DSCAM: variants seen among roughly 807,000 people sequenced by gnomAD.
DSCAM encodes the protein DS cell adhesion molecule.
In DSCAM, 47 loss-of-function variants were observed where a neutral mutation model predicts 217.7. The observed-to-expected ratio is 0.22, with a 90% CI of 0.17 to 0.28. The LOEUF is 0.28. Among genes scored for constraint, DSCAM ranks in the 10% least tolerant of loss-of-function variants. The probability of loss-of-function intolerance (pLI) is 1.00; values close to 1 mark genes in which losing one functional copy is unlikely to be tolerated. For missense variants in DSCAM, 2,080 were observed against 2,618.3 expected (o/e 0.79, Z 4.49); for synonymous variants, 1,056 against 1,015.3 (o/e 1.04, Z -0.76).
Position 40,085,650 on chromosome 21 carries a change from T to C in DSCAM, c.4084A>G (p.Asn1362Asp). 6.3e-7 allele frequency: 1 copy of C among 1,588,336 alleles called. No homozygotes were observed. Among genetic ancestry groups the C allele is most frequent in the African/African-American group, 1.3e-5 (1 of 74,794 alleles). Residue 1362 changes from asparagine (N) to aspartate (D), a missense_variant, in exon 23 of 33, where the codon AAT (asparagine) becomes GAT (aspartate). Asn to Asp is a conservative substitution (Grantham distance 23). Transcript: ENST00000400454. ...ATTTCATCAGATCCCCAGTTGTTAT[T>C]GGCAATGCAGCTGTAATAGCCGGAG... ...EDSGYYSCIA[N>D]NNWGSDEIIL... is the part of the protein sequence containing the mutation.
intron 3 of DSCAM, among the ~76,000 whole-genome samples, chr21:40,653,846 C>A (rs541149236): frequency 1.6e-4 from 24 of 152,254 alleles, no homozygotes; most frequent in Non-Finnish European, 3.4e-4. Context: ...CCTGTAATCC[C>A]AGCACTTTGG....
intron 9 of DSCAM, among the ~76,000 whole-genome samples, chr21:40,304,573 G>C (rs1376729725): frequency 6.6e-6 from 1 of 152,234 alleles, no homozygotes; most frequent in Non-Finnish European, 1.5e-5. Flanking sequence ...GCTTTCAAAT[G>C]CCTTCCTCAC....
chr21:40,042,763 C>T, intron 31 of DSCAM, 90 bp from the exon 32 acceptor site: 1 of 1,299,386 alleles, frequency 7.7e-7, no homozygotes, highest in Non-Finnish European at 1.0e-6. Flanking sequence ...GGGCTGTTTT[C>T]TTCCAGATCA....
chr21:40,210,009 A>G (rs2091166433), intron 11 of DSCAM, among the ~76,000 whole-genome samples: 1 of 152,038 alleles, frequency 6.6e-6, no homozygotes, highest in Non-Finnish European at 1.5e-5. Context: ...GCTGCAACCT[A>G]TGTTTCCAGT....
chr21:40,335,256 T>G (rs951842461), intron 8 of DSCAM, among the ~76,000 whole-genome samples: 1 of 152,140 alleles, frequency 6.6e-6, no homozygotes, highest in Non-Finnish European at 1.5e-5. Context: ...CATAAAATAA[T>G]ATTTTCCTTC....
chr21:40,695,240 G>A (rs1445926909), intron 2 of DSCAM, among the ~76,000 whole-genome samples: 4 of 152,082 alleles, frequency 2.6e-5, no homozygotes, highest in Admixed American at 2.6e-4. Flanking sequence ...GGGAGACACG[G>A]GAAATGCCTT....
chr21:40,167,389 G>C lies in DSCAM; in HGVS notation c.2948-101C>G, dbSNP rs543692243. The C allele has an allele frequency of 1.9e-5, 19 of 986,546 alleles. No homozygotes were observed. In the Admixed American group the frequency reaches 3.1e-4, roughly 16 times the overall value. The allele number at this position is 986,546 out of a possible 1,614,324, so 61.1% of individuals were successfully genotyped here. On this transcript the variant is annotated intron_variant, in intron 15 of 32. Coordinates refer to ENST00000400454, the MANE Select transcript of DSCAM (RefSeq NM_001389.5). ...GTCCCCGAGGACAACCCATCCCTAT[G>C]TTTGGCACAGAGAAAGAAGTTTTTA... is the stretch of plus-strand genomic sequence containing the variant.
chr21:40,789,313 T>C (rs1029713318), intron 1 of DSCAM, among the ~76,000 whole-genome samples: 2 of 151,838 alleles, frequency 1.3e-5, no homozygotes, highest in Non-Finnish European at 2.9e-5. Flanking sequence ...TAAATTTTAA[T>C]CTTTTGGCTC....
chr21:40,683,206 A>G (rs2090433992), intron 3 of DSCAM, among the ~76,000 whole-genome samples: 1 of 152,220 alleles, frequency 6.6e-6, no homozygotes, highest in African/African-American at 2.4e-5. Flanking sequence ...ACAGGAACCA[A>G]CAGAGGAAGT....
intron 3 of DSCAM, among the ~76,000 whole-genome samples, chr21:40,514,344 A>T (rs1172345095): frequency 1.3e-5 from 2 of 152,316 alleles, no homozygotes; most frequent in South Asian, 4.1e-4. Context: ...GAACAAGGCC[A>T]TCTTATTAAT....
At position 40,369,088 on chromosome 21, in the gene DSCAM, T is replaced by G. The variant is rs2074865649; in HGVS notation, c.655+11A>C. On this transcript the variant is annotated intron_variant, in intron 4 of 32. Coordinates refer to ENST00000400454, the MANE Select transcript of DSCAM (RefSeq NM_001389.5). ...GCAGACATAGCAGACAGAGTCTTGA[T>G]AAGTTTTTACCTGATACAAAAAGTC... is the stretch of plus-strand genomic sequence containing the variant. 1 of 1,596,034 alleles carries G rather than the reference T, an allele frequency of 6.3e-7. No homozygotes were observed. The highest frequency in any genetic ancestry group is 8.5e-7 in the Non-Finnish European group (1 of 1,171,304).
intron 1 of DSCAM, among the ~76,000 whole-genome samples, chr21:40,761,192 A>G (rs2091331069): frequency 1.3e-5 from 2 of 152,170 alleles, no homozygotes. Flanking sequence ...GCTCATCACG[A>G]AGATGCAGTT....
At chr21:40,462,525 C>T (rs1331806542) in intron 3 of DSCAM, among the ~76,000 whole-genome samples, 1 of 152,090 alleles carries the variant, frequency 6.6e-6, no homozygotes, top group Non-Finnish European at 1.5e-5. Flanking sequence ...AAAAAATTTT[C>T]ACATCTTTGT....
chr21:40,371,344 C>T (rs751017719), intron 3 of DSCAM, among the ~76,000 whole-genome samples: 11 of 151,452 alleles, frequency 7.3e-5, no homozygotes, highest in Non-Finnish European at 1.6e-4. Context: ...ATTTCTCTTT[C>T]AATATATTTT....
intron 3 of DSCAM, among the ~76,000 whole-genome samples, chr21:40,589,540 C>T (rs528610444): frequency 1.3e-5 from 2 of 152,252 alleles, no homozygotes; most frequent in East Asian, 3.9e-4. Flanking sequence ...CACACCACTG[C>T]ACTCCAGCCT....
At chr21:40,267,806 G>C (rs957591799) in intron 11 of DSCAM, among the ~76,000 whole-genome samples, 1 of 152,110 alleles carries the variant, frequency 6.6e-6, no homozygotes, top group Non-Finnish European at 1.5e-5. Context: ...TGAGGCAGGA[G>C]AATCACTTGA....
Position 40,042,441 on chromosome 21 carries a change from A to C in DSCAM, c.5616T>G (p.Thr1872=). 1.2e-6 allele frequency: 2 copies of C among 1,614,206 alleles called. No individual in the cohort carries two copies. The highest frequency in any genetic ancestry group is 1.7e-6 in the Non-Finnish European group (2 of 1,180,042). The part of the protein sequence containing the change: ...TPSESGICRF[T]ASPPKPQDGG... ...CATCCTGAGGTTTGGGGGGAGATGC[A>C]GTGAACCTGCAGATTCCCGATTCGG... Residue 1872 remains threonine, a synonymous_variant, in exon 32 of 33, where the codon ACT becomes ACG. Coordinates refer to ENST00000400454, the MANE Select transcript of DSCAM (RefSeq NM_001389.5).
intron 11 of DSCAM, among the ~76,000 whole-genome samples, chr21:40,256,404 C>CAG (rs148333628): frequency 0.021 from 3,117 of 147,760 alleles, 125 homozygotes; most frequent in African/African-American, 0.07. Context: ...GAGAGACAGA[C>CAG]AGAGAGAGAG....
At chr21:40,631,614 A>C (rs1166030617) in intron 3 of DSCAM, among the ~76,000 whole-genome samples, 2 of 152,174 alleles carry the variant, frequency 1.3e-5, no homozygotes, top group East Asian at 3.9e-4. Flanking sequence ...GAATTAAGAC[A>C]CTGAAATCAG....
Sources: allele counts gnomAD v4.1 joint callset (sites outside exome capture counted in the v4.1 genomes callset), GRCh38; gene constraint gnomAD v4.1.1; transcripts MANE v1.5; gene names NCBI Gene and HGNC (gene_info 2026-07-23, HGNC 2026-07-21).